The following EML4 variants were observed in gnomAD, a reference collection of about 807,000 sequenced individuals.
EML4 encodes the protein EMAP like 4.
In EML4, 72 loss-of-function variants were observed where a neutral mutation model predicts 129.0. The observed-to-expected ratio is 0.56, with a 90% CI of 0.46 to 0.68. The LOEUF (loss-of-function observed/expected upper bound fraction) is 0.68. Ranked by LOEUF, EML4 falls within the 30% of genes least tolerant of loss-of-function variation. The probability of loss-of-function intolerance (pLI) is 0.00; values close to 1 mark genes in which losing one functional copy is unlikely to be tolerated. For synonymous variants in EML4, 532 were observed against 405.0 expected, an observed-to-expected ratio of 1.31 and a Z score of -3.77; for missense variants, 1,363 against 1,190.6, an observed-to-expected ratio of 1.14 and a Z score of -2.13.
chr2:42,172,974 A>G (rs1210800588), intron 1 of EML4, among the ~76,000 whole-genome samples: 2 of 152,288 alleles, frequency 1.3e-5, no homozygotes, highest in Non-Finnish European at 2.9e-5. Context: ...GTCAGCTTTA[A>G]ATTTTTCTGC....
At chr2:42,313,361 GCT>G (rs1669066262) in intron 17 of EML4, among the ~76,000 whole-genome samples, 2 of 152,128 alleles carry the variant, frequency 1.3e-5, no homozygotes, top group South Asian at 4.1e-4. Context: ...TTCTCTGAGA[GCT>G]CTCTCACCAT....
At chr2:42,185,258 A>G (rs1671182467) in intron 1 of EML4, among the ~76,000 whole-genome samples, 1 of 152,160 alleles carries the variant, frequency 6.6e-6, no homozygotes, top group Non-Finnish European at 1.5e-5. Flanking sequence ...GTAGTTGAAA[A>G]ATAAAAATAT....
chr2:42,305,403 C>T (rs985774358), intron 17 of EML4, among the ~76,000 whole-genome samples: 1 of 152,028 alleles, frequency 6.6e-6, no homozygotes, highest in Non-Finnish European at 1.5e-5. Context: ...TTGACTTTTC[C>T]TTTGTGAAAT....
At chr2:42,221,847 AC>A (rs1277142065) in intron 1 of EML4, among the ~76,000 whole-genome samples, 1 of 151,632 alleles carries the variant, frequency 6.6e-6, no homozygotes, top group Admixed American at 6.6e-5. Context: ...CAGGTGATCC[AC>A]CCACCTCAGC....
At chr2:42,209,114 A>T (rs1016721893) in intron 1 of EML4, among the ~76,000 whole-genome samples, 1 of 152,218 alleles carries the variant, frequency 6.6e-6, no homozygotes, top group South Asian at 2.1e-4. Context: ...AAGGAATGAG[A>T]AATTACAGTG....
intron 7 of EML4, among the ~76,000 whole-genome samples, chr2:42,281,566 GC>G (rs1667012486): frequency 6.6e-6 from 1 of 152,078 alleles, no homozygotes; most frequent in South Asian, 2.1e-4. Flanking sequence ...TTGAGTTTTG[GC>G]CCTGCCACTT....
At chr2:42,210,521 C>T (rs951705393) in intron 1 of EML4, among the ~76,000 whole-genome samples, 1 of 152,166 alleles carries the variant, frequency 6.6e-6, no homozygotes, top group Non-Finnish European at 1.5e-5. Context: ...GTACTGTACT[C>T]TTTGGAAGGA....
intron 9 of EML4, chr2:42,285,907 CT>C (rs1376788225): frequency 4.3e-6 from 1 of 232,716 alleles, no homozygotes; most frequent in African/African-American, 2.3e-5. Flanking sequence ...CCGACTCAAC[CT>C]TTTAATAGCG....
chr2:42,262,193 T>C (rs1176874780), intron 4 of EML4, among the ~76,000 whole-genome samples: 2 of 152,132 alleles, frequency 1.3e-5, no homozygotes, highest in Non-Finnish European at 2.9e-5. Context: ...CAATTTAATA[T>C]TTTGCCTCAA....
At chr2:42,264,923 A>C (rs774489307) in intron 6 of EML4, 192 bp downstream of exon 6, 158 of 1,550,356 alleles carry the variant, frequency 1.0e-4, no homozygotes, top group Non-Finnish European at 1.3e-4. Context: ...AACCAGCAAA[A>C]ATGTCAACTC....
At chr2:42,312,407 G>A (rs1258891882) in intron 17 of EML4, among the ~76,000 whole-genome samples, 7 of 152,014 alleles carry the variant, frequency 4.6e-5, no homozygotes, top group Non-Finnish European at 8.8e-5. Context: ...TATTAATACA[G>A]CCCTTAAGTC....
chr2:42,267,085 T>C (rs1479716145), intron 6 of EML4, among the ~76,000 whole-genome samples: 1 of 152,166 alleles, frequency 6.6e-6, no homozygotes, highest in Non-Finnish European at 1.5e-5. Flanking sequence ...ATAGTGACAT[T>C]GAGCAGGTTA....
chr2:42,191,343 A>C (rs1671568315), intron 1 of EML4, among the ~76,000 whole-genome samples: 1 of 152,116 alleles, frequency 6.6e-6, no homozygotes, highest in African/African-American at 2.4e-5. Context: ...CCCCAGCAGC[A>C]GTGGTCATGG....
At chr2:42,265,098 C>A in intron 6 of EML4, 1 of 694,354 alleles carries the variant, frequency 1.4e-6, no homozygotes, top group Non-Finnish European at 2.3e-6. Context: ...CTACATTTTA[C>A]TTTTTTTTTT....
At chr2:42,317,619 C>T (rs1406868881) in intron 19 of EML4, 95 bp downstream of exon 19, 11 of 769,462 alleles carry the variant, frequency 1.4e-5, no homozygotes, top group African/African-American at 6.9e-5. Flanking sequence ...TGTTTCCTGT[C>T]GTTAGCTGCT....
Position 42,267,785 on chromosome 2 carries a change from T to G in EML4, c.667+3054T>G, listed in dbSNP as rs554496382. Among the ~76,000 whole-genome samples, 5 of 152,322 alleles carry G rather than the reference T, an allele frequency of 3.3e-5. No individual in the cohort carries two copies. In the South Asian group the frequency reaches 1.0e-3, roughly 32 times the overall value. On this transcript the variant is annotated intron_variant, in intron 6 of 22. Coordinates refer to ENST00000318522, the MANE Select transcript of EML4 (RefSeq NM_019063.5). ...CTTACTGACCTATATGTTTATACCC[T>G]GAAACCTAAACTTTTTTTCATTACT...
chr2:42,263,810 A>G (rs1482629820), intron 5 of EML4, among the ~76,000 whole-genome samples: 14 of 143,640 alleles, frequency 9.7e-5, no homozygotes, highest in Middle Eastern at 4.3e-3. Flanking sequence ...GCTCACTGCA[A>G]CCTCCGCCTC....
At chr2:42,242,488 C>G (rs573689349) in intron 1 of EML4, among the ~76,000 whole-genome samples, 6 of 152,224 alleles carry the variant, frequency 3.9e-5, no homozygotes, top group African/African-American at 1.4e-4. Context: ...TTATTTTTGA[C>G]AGTCCTAGGG....
chr2:42,220,022 G>C (rs1165704373), intron 1 of EML4, among the ~76,000 whole-genome samples: 1 of 151,940 alleles, frequency 6.6e-6, no homozygotes, highest in Non-Finnish European at 1.5e-5. Flanking sequence ...TTGGGTAGGG[G>C]AGTATGTCTT....
Sources: allele counts gnomAD v4.1 joint callset (sites outside exome capture counted in the v4.1 genomes callset), GRCh38; gene constraint gnomAD v4.1.1; transcripts MANE v1.5; gene names NCBI Gene and HGNC (gene_info 2026-07-23, HGNC 2026-07-21).